MSR1: variants seen among roughly 807,000 people sequenced by gnomAD.
MSR1 encodes the protein macrophage scavenger receptor 1.
A neutral mutation model predicts 47.2 loss-of-function variants in MSR1; 53 were observed. The ratio of observed to expected loss-of-function variants is 1.12; its 90% CI spans 0.90 to 1.41. The LOEUF is 1.41. Among genes scored for constraint, MSR1 ranks in the 40% most tolerant of loss-of-function variants. The pLI is 0.00. For synonymous variants in MSR1, 239 were observed against 185.6 expected, an observed-to-expected ratio of 1.29 and a Z score of -2.34; for missense variants, 786 against 546.9, an observed-to-expected ratio of 1.44 and a Z score of -4.36.
At chr8:16,138,873 G>T (rs983259215) in intron 8 of MSR1, among the ~76,000 whole-genome samples, 2 of 152,232 alleles carry the variant, frequency 1.3e-5, no homozygotes, top group Admixed American at 6.5e-5. Context: ...TGTCATGTAG[G>T]CATAAAACCA....
At chr8:16,119,078 C>T (rs959565764) in intron 9 of MSR1, among the ~76,000 whole-genome samples, 2 of 152,108 alleles carry the variant, frequency 1.3e-5, no homozygotes, top group Admixed American at 1.3e-4. Flanking sequence ...TTAAAAACTA[C>T]GGCCAGGGGC....
intron 1 of MSR1, among the ~76,000 whole-genome samples, chr8:16,178,722 C>A (rs1185577307): frequency 6.6e-6 from 1 of 152,154 alleles, no homozygotes; most frequent in Non-Finnish European, 1.5e-5. Context: ...GTCCCACCAA[C>A]AGTGTAAAAG....
intron 1 of MSR1, among the ~76,000 whole-genome samples, chr8:16,188,388 T>C (rs1802063615): frequency 6.6e-6 from 1 of 152,156 alleles, no homozygotes; most frequent in South Asian, 2.1e-4. Context: ...TGGATGTATG[T>C]ATACCTGTAA....
intron 8 of MSR1, among the ~76,000 whole-genome samples, chr8:16,122,235 T>C (rs1429890810): frequency 6.6e-6 from 1 of 152,138 alleles, no homozygotes; most frequent in Non-Finnish European, 1.5e-5. Context: ...AACTTTCATT[T>C]ACTAGTAAAA....
chr8:16,125,386 T>A (rs1242254410), intron 8 of MSR1, among the ~76,000 whole-genome samples: 1 of 152,194 alleles, frequency 6.6e-6, no homozygotes, highest in Non-Finnish European at 1.5e-5. Flanking sequence ...ATTTTGCTTC[T>A]GGGATGGCCA....
At chr8:16,133,811 A>C (rs543311503) in intron 8 of MSR1, among the ~76,000 whole-genome samples, 1 of 152,122 alleles carries the variant, frequency 6.6e-6, no homozygotes, top group Non-Finnish European at 1.5e-5. Context: ...TTCCACTGAA[A>C]GCTCTGCTGT....
rs1331256307 is a variant in MSR1, at chr8:16,168,494, A to G, written c.594T>C (p.Asn198=). The change falls in exon 4 of 10, where the codon AAT becomes AAC. Residue 198 remains asparagine, a synonymous_variant. Coordinates refer to ENST00000262101, the MANE Select transcript of MSR1 (RefSeq NM_138715.3). ...LDLQLNIENL[N]GKIQENTFKQ... ...TGAAGGTATTCTCTTGGATTTTGCC[A>G]TTCAGATTTTCTATGTTGAGCTGCA... The G allele has an allele frequency of 1.2e-6, 2 of 1,614,144 alleles. No individual in the cohort carries two copies. Among genetic ancestry groups the G allele is most frequent in the East Asian group, 2.2e-5 (1 of 44,854 alleles).
At chr8:16,180,627 A>C (rs1281520185) in intron 1 of MSR1, among the ~76,000 whole-genome samples, 2 of 152,192 alleles carry the variant, frequency 1.3e-5, no homozygotes, top group East Asian at 3.9e-4. Context: ...AACTGAGTGC[A>C]CTGGCATCTT....
chr8:16,126,848 C>A (rs1800140766), intron 8 of MSR1, among the ~76,000 whole-genome samples: 1 of 152,114 alleles, frequency 6.6e-6, no homozygotes, highest in Admixed American at 6.6e-5. Context: ...TGAGCCACTG[C>A]ACCCGGCCAT....
chr8:16,170,132 C>T (rs988257179), intron 3 of MSR1, among the ~76,000 whole-genome samples: 1 of 152,000 alleles, frequency 6.6e-6, no homozygotes. Context: ...GGTGGATCCC[C>T]AGGTCAGGAG....
rs183115211 is a variant in MSR1, at chr8:16,160,070, C to T, written c.817+3995G>A. 6.2e-3 allele frequency among the ~76,000 whole-genome samples: 950 copies of T among 152,016 alleles called. 7 individuals are homozygous for T. Among genetic ancestry groups the T allele is most frequent in the Middle Eastern group, 0.014 (4 of 294 alleles). On this transcript the variant is annotated intron_variant, in intron 5 of 9. Coordinates refer to ENST00000262101, the MANE Select transcript of MSR1 (RefSeq NM_138715.3). The stretch of plus-strand genomic sequence containing the variant: ...TAGTTAAGAGACACACTGAAAAAGA[C>T]CTTGAGTGCTACAGGCAAAACTGTA...
At chr8:16,166,980 G>T (rs1002781654) in intron 4 of MSR1, among the ~76,000 whole-genome samples, 3 of 151,056 alleles carry the variant, frequency 2.0e-5, no homozygotes, top group Admixed American at 2.0e-4. Context: ...TGCACGCACT[G>T]GCACTGACCT....
intron 3 of MSR1, among the ~76,000 whole-genome samples, chr8:16,174,371 A>G (rs987972453): frequency 2.6e-5 from 4 of 152,190 alleles, no homozygotes; most frequent in Non-Finnish European, 5.9e-5. Context: ...GAGGAGAGCT[A>G]TAAGGCATAT....
At chr8:16,158,195 A>T (rs941849733) in intron 5 of MSR1, among the ~76,000 whole-genome samples, 1 of 151,994 alleles carries the variant, frequency 6.6e-6, no homozygotes, top group South Asian at 2.1e-4. Context: ...TTCATCTTTA[A>T]TATTTCCAAT....
intron 8 of MSR1, chr8:16,140,037 A>T (rs926732046): frequency 2.7e-5 from 22 of 811,240 alleles, no homozygotes; most frequent in African/African-American, 1.5e-4. Context: ...ATTATCTCTT[A>T]TTAGCTGTTA....
rs1799964168 is a variant in MSR1 at position 16,120,153 on chromosome 8, A to G, written c.1222+265T>C. The stretch of plus-strand genomic sequence containing the variant: ...AGCACTTTAGGTTGGCGAGGCGGGC[A>G]GATCACGAGGTCAGGAGATCGAGAC... On this transcript the variant is annotated intron_variant, in intron 9 of 9. Coordinates refer to ENST00000262101, the MANE Select transcript of MSR1 (RefSeq NM_138715.3). Among the ~76,000 whole-genome samples the G allele has an allele frequency of 2.0e-5, 3 of 151,854 alleles. No homozygotes were observed. In the South Asian group the frequency reaches 6.2e-4, roughly 32 times the overall value.
chr8:16,160,997 C>T lies in MSR1; in HGVS notation c.817+3068G>A, dbSNP rs1403782907. ...ATCTAGTGTAAAGAGAGAAACCACACACATCCAGTAATTTGTGTGGGTTTT... is the reference window on the plus strand; with the variant it reads ...ATCTAGTGTAAAGAGAGAAACCACATACATCCAGTAATTTGTGTGGGTTTT... On this transcript the variant is annotated intron_variant, in intron 5 of 9. Coordinates refer to ENST00000262101, the MANE Select transcript of MSR1 (RefSeq NM_138715.3). Among the ~76,000 whole-genome samples the T allele has an allele frequency of 3.3e-5, 5 of 150,104 alleles. No individual in the cohort carries two copies. The South Asian group carries it at 8.4e-4, about 25-fold the overall frequency.
chr8:16,141,153 C>T (rs1296452217), intron 8 of MSR1: 5 of 1,220,214 alleles, frequency 4.1e-6, no homozygotes, highest in Non-Finnish European at 5.9e-6. Context: ...TTTTCACATA[C>T]CACCATTAAC....
intron 5 of MSR1, among the ~76,000 whole-genome samples, chr8:16,163,544 A>G (rs968242997): frequency 5.3e-5 from 8 of 151,328 alleles, no homozygotes; most frequent in Non-Finnish European, 8.9e-5. Context: ...GCCTATATAT[A>G]TAAAGAAAGC....
Sources: allele counts gnomAD v4.1 joint callset (sites outside exome capture counted in the v4.1 genomes callset), GRCh38; gene constraint gnomAD v4.1.1; transcripts MANE v1.5; gene names NCBI Gene and HGNC (gene_info 2026-07-23, HGNC 2026-07-21).